Variants in TRAPPC9 observed in about 807,000 individuals in gnomAD.
The protein encoded by TRAPPC9 is trafficking protein particle complex subunit 9.
Under a neutral mutation model 124.0 loss-of-function variants are expected in TRAPPC9, and 83 were observed. The ratio of observed to expected loss-of-function variants is 0.67; its 90% confidence interval spans 0.56 to 0.80. The LOEUF (loss-of-function observed/expected upper bound fraction) is 0.80, where lower values mean the gene tolerates loss of function less well. TRAPPC9 is among the 30% of genes least tolerant of loss of function. The pLI is 0.00. For missense variants in TRAPPC9, 1,302 were observed against 1,508.3 expected (o/e 0.86, Z 2.27); for synonymous variants, 638 against 617.5 (o/e 1.03, Z -0.49).
At chr8:139,736,651 TGTG>T (rs147045781) in intron 21 of TRAPPC9, among the ~76,000 whole-genome samples, 4,823 of 152,072 alleles carry the variant, frequency 0.032, 251 homozygotes, top group African/African-American at 0.11. Context: ...GCTGAGGAAA[TGTG>T]GTGGAAACGG....
chr8:140,195,787 A>T (rs1380467096), intron 17 of TRAPPC9, among the ~76,000 whole-genome samples: 1 of 151,970 alleles, frequency 6.6e-6, no homozygotes, highest in Non-Finnish European at 1.5e-5. Flanking sequence ...AAACACATTG[A>T]ACAATTCACA....
chr8:140,130,054 A>C (rs2061176560), intron 17 of TRAPPC9, among the ~76,000 whole-genome samples: 1 of 152,226 alleles, frequency 6.6e-6, no homozygotes, highest in African/African-American at 2.4e-5. Flanking sequence ...CCAGAAAGCA[A>C]GGAAGAACTC....
intron 9 of TRAPPC9, among the ~76,000 whole-genome samples, chr8:140,351,653 T>A (rs181346346): frequency 1.2e-3 from 182 of 152,286 alleles, no homozygotes; most frequent in Non-Finnish European, 1.5e-3. Flanking sequence ...AGGATGTGTA[T>A]AAGTTATATG....
intron 9 of TRAPPC9, among the ~76,000 whole-genome samples, chr8:140,333,978 A>T (rs1455151693): frequency 6.6e-6 from 1 of 152,214 alleles, no homozygotes; most frequent in East Asian, 1.9e-4. Flanking sequence ...CAAGCACTTT[A>T]CATATGCCTT....
intron 17 of TRAPPC9, among the ~76,000 whole-genome samples, chr8:140,141,780 C>T (rs2061385298): frequency 6.6e-6 from 1 of 152,108 alleles, no homozygotes; most frequent in African/African-American, 2.4e-5. Context: ...ACTTCAGCAC[C>T]CCGGCGGGCG....
At position 140,128,988 on chromosome 8, in the gene TRAPPC9, C is replaced by CATATATAT. The variant is rs111502084; in HGVS notation, c.2556+92463_2556+92470dup. On this transcript the variant is annotated intron_variant, in intron 17 of 22. Coordinates refer to ENST00000438773, the MANE Select transcript of TRAPPC9 (RefSeq NM_001160372.4). ...CTATAATAAAATATATATATATATA[C>CATATATAT]ATATATATATATATATTAAAAAAAA... 8.7e-3 allele frequency among the ~76,000 whole-genome samples: 1,169 copies of CATATATAT among 134,722 alleles called. 16 individuals are homozygous for CATATATAT. Among genetic ancestry groups the CATATATAT allele is most frequent in the African/African-American group, 0.029 (1,083 of 37,368 alleles). 88.4% of individuals were successfully genotyped at this position (134,722 alleles called of 152,430 possible). A position where few individuals can be genotyped will look rare whatever the true frequency, so the allele number is the denominator to read the frequency against.
At chr8:139,941,781 G>A (rs1833936861) in intron 19 of TRAPPC9, among the ~76,000 whole-genome samples, 1 of 152,228 alleles carries the variant, frequency 6.6e-6, no homozygotes, top group South Asian at 2.1e-4. Context: ...GCTGGGCAGA[G>A]GGCATATTCC....
intron 10 of TRAPPC9, among the ~76,000 whole-genome samples, chr8:140,309,262 T>G (rs981749919): frequency 6.6e-6 from 1 of 152,270 alleles, no homozygotes. Flanking sequence ...CTCTGCGCTT[T>G]TGTGTGCCTC....
At chr8:140,009,741 T>C (rs889207666) in intron 18 of TRAPPC9, among the ~76,000 whole-genome samples, 4 of 152,224 alleles carry the variant, frequency 2.6e-5, no homozygotes, top group African/African-American at 4.8e-5. Flanking sequence ...CAGCTTTTCA[T>C]AGCACGTCCC....
intron 19 of TRAPPC9, among the ~76,000 whole-genome samples, chr8:139,982,306 C>T (rs775190880): frequency 2.6e-5 from 4 of 152,232 alleles, no homozygotes; most frequent in African/African-American, 9.6e-5. Context: ...GAAAGGCGGG[C>T]GGTGGAGAAC....
intron 17 of TRAPPC9, among the ~76,000 whole-genome samples, chr8:140,047,601 C>G (rs1396144470): frequency 6.6e-6 from 1 of 152,012 alleles, no homozygotes; most frequent in Non-Finnish European, 1.5e-5. Context: ...CTGCTCAGCT[C>G]TGCCTGCTTC....
intron 16 of TRAPPC9, among the ~76,000 whole-genome samples, chr8:140,237,938 G>A (rs75444850): frequency 3.9e-5 from 6 of 152,332 alleles, no homozygotes; most frequent in Admixed American, 3.3e-4. Flanking sequence ...AGGAGAAGGC[G>A]TGAAAATACT....
intron 17 of TRAPPC9, among the ~76,000 whole-genome samples, chr8:140,125,402 G>A (rs952515370): frequency 6.6e-5 from 10 of 152,220 alleles, no homozygotes; most frequent in East Asian, 1.9e-4. Context: ...CGCAGACCAC[G>A]GGGTCAACTC....
intron 17 of TRAPPC9, among the ~76,000 whole-genome samples, chr8:140,121,983 T>C (rs978116942): frequency 6.6e-6 from 1 of 152,194 alleles, no homozygotes; most frequent in Non-Finnish European, 1.5e-5. Context: ...CATGAGACTG[T>C]AGGCTCATGT....
At chr8:140,302,442 A>G (rs4311638) in intron 10 of TRAPPC9, among the ~76,000 whole-genome samples, 89,575 of 152,084 alleles carry the variant, frequency 0.59, 26,903 homozygotes, top group African/African-American at 0.71. Flanking sequence ...CTGTAGCTGC[A>G]GAACTAATAA....
chr8:140,160,213 T>C (rs1321779556), intron 17 of TRAPPC9, among the ~76,000 whole-genome samples: 2 of 152,332 alleles, frequency 1.3e-5, no homozygotes, highest in East Asian at 3.9e-4. Flanking sequence ...GTAAATTAGT[T>C]CAACCATTGG....
At chr8:140,183,588 T>C (rs1046731171) in intron 17 of TRAPPC9, among the ~76,000 whole-genome samples, 2 of 151,924 alleles carry the variant, frequency 1.3e-5, no homozygotes, top group Non-Finnish European at 2.9e-5. Flanking sequence ...TGGTGGCTCA[T>C]GCCTGTAATC....
At chr8:139,909,078 C>A in intron 20 of TRAPPC9, among the ~76,000 whole-genome samples, 1 of 152,168 alleles carries the variant, frequency 6.6e-6, no homozygotes, top group Non-Finnish European at 1.5e-5. Context: ...GCCTCAGGTT[C>A]TGGAAACTAT....
At chr8:140,118,338 T>G (rs1468700970) in intron 17 of TRAPPC9, among the ~76,000 whole-genome samples, 1 of 152,210 alleles carries the variant, frequency 6.6e-6, no homozygotes. Flanking sequence ...TTACAGGTGA[T>G]TAGCAAATGT....
Sources: allele counts gnomAD v4.1 joint callset (sites outside exome capture counted in the v4.1 genomes callset), GRCh38; gene constraint gnomAD v4.1.1; transcripts MANE v1.5; gene names NCBI Gene and HGNC (gene_info 2026-07-23, HGNC 2026-07-21).